The following SMC6 variants were observed in gnomAD, a reference collection of about 807,000 sequenced individuals.
The protein encoded by SMC6 is structural maintenance of chromosomes 6.
SMC6 carries 79 observed loss-of-function variants against 142.2 expected under a neutral mutation model. That is an observed-to-expected ratio of 0.56 (90% CI 0.46 to 0.67). The LOEUF (loss-of-function observed/expected upper bound fraction) is 0.67, where lower values mean the gene tolerates loss of function less well. SMC6 is among the 30% of genes least tolerant of loss of function. SMC6 has a pLI of 0.00. For synonymous variants in SMC6, 411 were observed against 412.4 expected (o/e 1.00, Z 0.04); for missense variants, 1,072 against 1,284.0 (o/e 0.83, Z 2.52).
intron 25 of SMC6, among the ~76,000 whole-genome samples, chr2:17,674,084 T>A (rs577844658): frequency 6.6e-6 from 1 of 152,232 alleles, no homozygotes; most frequent in East Asian, 1.9e-4. Context: ...TATCACTGTA[T>A]CCTTCTCTCT....
intron 5 of SMC6, among the ~76,000 whole-genome samples, chr2:17,737,857 C>CG: frequency 6.6e-6 from 1 of 152,300 alleles, no homozygotes; most frequent in East Asian, 1.9e-4. Context: ...TCCCTACTAT[C>CG]GTATCAATGT....
At chr2:17,707,154 T>A in intron 18 of SMC6, 65 bp downstream of exon 18, 2 of 1,276,132 alleles carry the variant, frequency 1.6e-6, no homozygotes, top group Non-Finnish European at 2.1e-6. Context: ...AAGAGTAATA[T>A]GAAAGAAAAT....
In SMC6 at chr2:17,691,773, T is replaced by C. The variant is rs576548047; in HGVS notation, c.2678+3379A>G. Among the ~76,000 whole-genome samples, 55 of 152,224 alleles carry C rather than the reference T, an allele frequency of 3.6e-4. No individual in the cohort carries two copies. In the South Asian group the frequency reaches 0.011, roughly 32 times the overall value. ...TCAATTAGGAAAAGAGGAAGTCAAATTGTCCGTTTGCAGATGACATGATTG... is the reference window on the plus strand; with the variant it reads ...TCAATTAGGAAAAGAGGAAGTCAAACTGTCCGTTTGCAGATGACATGATTG... On this transcript the variant is annotated intron_variant, in intron 23 of 27. Coordinates refer to ENST00000448223, the MANE Select transcript of SMC6 (RefSeq NM_001142286.2).
At chr2:17,706,850 A>G (rs1223214332) in intron 18 of SMC6, among the ~76,000 whole-genome samples, 1 of 152,162 alleles carries the variant, frequency 6.6e-6, no homozygotes, top group Non-Finnish European at 1.5e-5. Context: ...TTGAGCCAGA[A>G]TGTAAACCAG....
intron 2 of SMC6, among the ~76,000 whole-genome samples, chr2:17,748,848 T>G (rs144813122): frequency 2.1e-3 from 315 of 152,330 alleles, no homozygotes; most frequent in Middle Eastern, 6.8e-3. Flanking sequence ...AGCTAATGGA[T>G]AACGCACTAG....
intron 23 of SMC6, among the ~76,000 whole-genome samples, chr2:17,691,111 A>G (rs1667691418): frequency 6.6e-6 from 1 of 151,502 alleles, no homozygotes; most frequent in South Asian, 2.1e-4. Flanking sequence ...GGAAATATCT[A>G]TGTACCAACA....
chr2:17,708,771 A>G lies in SMC6; in HGVS notation c.1731-18T>C. The G allele has an allele frequency of 7.2e-7, 1 of 1,379,418 alleles. No individual in the cohort carries two copies. The highest frequency in any genetic ancestry group is 9.6e-7 in the Non-Finnish European group (1 of 1,036,414). 85.4% of individuals were successfully genotyped at this position (1,379,418 alleles called of 1,614,324 possible). On this transcript the variant is annotated intron_variant, in intron 16 of 27. Transcript: ENST00000448223. ...AAGCAGCTCTAGGAGACAAAAATAC[A>G]GAAGGATTAACTTAGCAAATTTTAA...
chr2:17,747,842 A>C (rs749666283), intron 2 of SMC6, among the ~76,000 whole-genome samples: 1 of 152,132 alleles, frequency 6.6e-6, no homozygotes, highest in Non-Finnish European at 1.5e-5. Context: ...CACACAGTAT[A>C]TATTCCATCA....
intron 13 of SMC6, 60 bp from the exon 14 acceptor site, chr2:17,716,965 G>T: frequency 1.3e-6 from 2 of 1,544,606 alleles, no homozygotes; most frequent in Non-Finnish European, 1.8e-6. Flanking sequence ...AACATTTAAA[G>T]AACACAAACC....
intron 2 of SMC6, among the ~76,000 whole-genome samples, chr2:17,751,405 G>A (rs112944747): frequency 1.1e-4 from 16 of 151,322 alleles, no homozygotes; most frequent in African/African-American, 3.4e-4. Flanking sequence ...GCTTGAACCC[G>A]GGAGGCAGGA....
intron 23 of SMC6, among the ~76,000 whole-genome samples, 157 bp from the exon 24 acceptor site, chr2:17,683,920 A>C (rs1334295829): frequency 6.6e-6 from 1 of 152,182 alleles, no homozygotes; most frequent in Non-Finnish European, 1.5e-5. Flanking sequence ...GGCAAATTAC[A>C]CTCCCAGAAT....
At chr2:17,743,883 A>G (rs758255381) in intron 3 of SMC6, among the ~76,000 whole-genome samples, 9 of 152,140 alleles carry the variant, frequency 5.9e-5, no homozygotes, top group Non-Finnish European at 8.8e-5. Context: ...TTAGTAATAT[A>G]CGTTTAAGGT....
At chr2:17,725,214 AT>A in intron 9 of SMC6, 42 bp downstream of exon 9, 1 of 1,346,074 alleles carries the variant, frequency 7.4e-7, no homozygotes. Flanking sequence ...TACTATAAGA[AT>A]TTGGCTGATC....
intron 4 of SMC6, 95 bp from the exon 5 acceptor site, chr2:17,738,421 C>T: frequency 2.8e-6 from 2 of 703,302 alleles, no homozygotes; most frequent in Non-Finnish European, 4.4e-6. Flanking sequence ...ATGAATGAGA[C>T]TCACTTTAAA....
rs201259527 is a variant in SMC6 at position 17,695,191 on chromosome 2, G to A, written c.2639C>T (p.Ala880Val). The stretch of plus-strand genomic sequence containing the variant: ...TCGATCTCCATGACTAGCATGTTCT[G>A]CCTGTATCTTCTGCCTTAATCGATT... Reference protein sequence around the residue: ...EINRLRQKIQAEHASHGDREE... With the variant: ...EINRLRQKIQVEHASHGDREE... Residue 880 changes from alanine to valine, a missense_variant, in exon 23 of 28, where the codon GCA becomes GTA. Coordinates refer to ENST00000448223, the MANE Select transcript of SMC6 (RefSeq NM_001142286.2). 1 of 1,613,480 alleles carries A rather than the reference G, an allele frequency of 6.2e-7. No homozygotes were observed. The highest frequency in any genetic ancestry group is 2.2e-5 in the East Asian group (1 of 44,772).
intron 23 of SMC6, among the ~76,000 whole-genome samples, chr2:17,687,643 A>T (rs192939113): frequency 7.2e-5 from 11 of 152,348 alleles, no homozygotes; most frequent in Admixed American, 4.6e-4. Flanking sequence ...GGAGTGGGCC[A>T]GGGGAAATGG....
At chr2:17,666,955 C>A (rs1666526174) in intron 26 of SMC6, among the ~76,000 whole-genome samples, 1 of 152,150 alleles carries the variant, frequency 6.6e-6, no homozygotes, top group African/African-American at 2.4e-5. Context: ...GTACTCTAGC[C>A]TGAATGACAG....
At chr2:17,739,595 A>T (rs185769951) in intron 4 of SMC6, among the ~76,000 whole-genome samples, 7 of 152,220 alleles carry the variant, frequency 4.6e-5, no homozygotes, top group African/African-American at 1.7e-4. Context: ...TAGTGAGCCA[A>T]GATAGCACCA....
intron 25 of SMC6, among the ~76,000 whole-genome samples, chr2:17,673,471 T>C (rs1400762583): frequency 6.6e-6 from 1 of 152,128 alleles, no homozygotes; most frequent in Non-Finnish European, 1.5e-5. Flanking sequence ...AAGCTTGTTT[T>C]AAATTTAGGT....
Sources: allele counts gnomAD v4.1 joint callset (sites outside exome capture counted in the v4.1 genomes callset), GRCh38; gene constraint gnomAD v4.1.1; transcripts MANE v1.5; gene names NCBI Gene and HGNC (gene_info 2026-07-23, HGNC 2026-07-21).